JAM2: variants seen among roughly 807,000 people sequenced by gnomAD.
JAM2 encodes junctional adhesion molecule B.
JAM2 carries 17 observed loss-of-function variants against 42.0 expected under a neutral mutation model. The observed-to-expected ratio is 0.40, with a 90% confidence interval of 0.28 to 0.61. The LOEUF (loss-of-function observed/expected upper bound fraction) is 0.61, where lower values mean the gene tolerates loss of function less well. JAM2 is among the 20% of genes least tolerant of loss of function. The pLI, the probability that JAM2 is intolerant of heterozygous loss-of-function variation, is 0.37. For synonymous variants in JAM2, 118 were observed against 128.6 expected (o/e 0.92, Z 0.56); for missense variants, 319 against 358.3 (o/e 0.89, Z 0.89).
chr21:25,652,708 G>A (rs1234628625), intron 1 of JAM2, among the ~76,000 whole-genome samples: 1 of 152,154 alleles, frequency 6.6e-6, no homozygotes, highest in Non-Finnish European at 1.5e-5. Flanking sequence ...ATTAAGTACA[G>A]GTCCTATAAT....
At chr21:25,685,233 T>C (rs2033723660) in intron 2 of JAM2, among the ~76,000 whole-genome samples, 1 of 152,072 alleles carries the variant, frequency 6.6e-6, no homozygotes, top group South Asian at 2.1e-4. Flanking sequence ...GTGTGCTTGT[T>C]AAGTAAAAAT....
intron 2 of JAM2, among the ~76,000 whole-genome samples, chr21:25,688,318 C>T (rs1176836174): frequency 2.0e-5 from 3 of 151,160 alleles, no homozygotes; most frequent in Non-Finnish European, 4.4e-5. Flanking sequence ...ACATGCGTAT[C>T]TAAATATGTA....
chr21:25,661,998 A>AT (rs536363673), intron 1 of JAM2, among the ~76,000 whole-genome samples: 7 of 151,718 alleles, frequency 4.6e-5, no homozygotes, highest in Non-Finnish European at 5.9e-5. Flanking sequence ...CTATTTAAGT[A>AT]TTTTTTTTCC....
At chr21:25,650,111 C>G (rs1050124185) in intron 1 of JAM2, among the ~76,000 whole-genome samples, 4 of 152,164 alleles carry the variant, frequency 2.6e-5, no homozygotes, top group Admixed American at 1.3e-4. Context: ...CTTCATGACC[C>G]AAACACCTCT....
rs2034456315 is a variant in JAM2, at chr21:25,715,191, G to A, written c.*519G>A. Reference sequence around the variant, plus strand: ...CACACCCACAGAAAGGAGGAAGCGGGATGGGTCTTATGCCCAAGGATTTGC... The same window carrying A: ...CACACCCACAGAAAGGAGGAAGCGGAATGGGTCTTATGCCCAAGGATTTGC... On this transcript the variant is annotated 3_prime_UTR_variant, in exon 10 of 10. Transcript: ENST00000480456. 1 of 152,360 alleles carries A rather than the reference G, an allele frequency of 6.6e-6. No individual in the cohort carries two copies. Among genetic ancestry groups the A allele is most frequent in the Admixed American group, 6.5e-5 (1 of 15,288 alleles). The allele number at this position is 152,360 out of a possible 1,614,324, so 9.4% of individuals were successfully genotyped here. A position where few individuals can be genotyped will look rare whatever the true frequency, so the allele number is the denominator to read the frequency against.
chr21:25,696,777 G>A (rs2123395118), intron 4 of JAM2, among the ~76,000 whole-genome samples: 1 of 152,174 alleles, frequency 6.6e-6, no homozygotes, highest in East Asian at 1.9e-4. Context: ...CTATCAGTTC[G>A]TGGGCCACAC....
intron 4 of JAM2, among the ~76,000 whole-genome samples, chr21:25,698,446 C>A (rs1448748583): frequency 6.6e-6 from 1 of 152,114 alleles, no homozygotes; most frequent in Non-Finnish European, 1.5e-5. Context: ...ATGTATATGA[C>A]CCCATCTGGC....
chr21:25,709,048 T>C (rs1200724030), intron 7 of JAM2, among the ~76,000 whole-genome samples: 1 of 152,158 alleles, frequency 6.6e-6, no homozygotes, highest in Non-Finnish European at 1.5e-5. Flanking sequence ...TAGGGCCCGC[T>C]GACTTTGAAC....
chr21:25,680,251 C>T (rs1028426035), intron 1 of JAM2, among the ~76,000 whole-genome samples: 1 of 152,136 alleles, frequency 6.6e-6, no homozygotes, highest in African/African-American at 2.4e-5. Context: ...ATGGCTAGGA[C>T]TTTTGATGTG....
At chr21:25,670,057 C>T (rs1351879036) in intron 1 of JAM2, among the ~76,000 whole-genome samples, 2 of 152,284 alleles carry the variant, frequency 1.3e-5, no homozygotes, top group East Asian at 3.9e-4. Context: ...AAATCCAGTT[C>T]TCTTCATGCT....
intron 1 of JAM2, among the ~76,000 whole-genome samples, chr21:25,651,664 T>C (rs1303253089): frequency 6.6e-6 from 1 of 152,234 alleles, no homozygotes; most frequent in African/African-American, 2.4e-5. Context: ...ACATGCTTTA[T>C]GCATGGTGTT....
At chr21:25,678,439 A>G (rs570157412) in intron 1 of JAM2, among the ~76,000 whole-genome samples, 1 of 152,166 alleles carries the variant, frequency 6.6e-6, no homozygotes, top group Non-Finnish European at 1.5e-5. Flanking sequence ...AGAAAGGGAT[A>G]TGGGGGAAGA....
chr21:25,697,899 T>G (rs1445245885), intron 4 of JAM2, among the ~76,000 whole-genome samples: 1 of 149,298 alleles, frequency 6.7e-6, no homozygotes, highest in Non-Finnish European at 1.5e-5. Flanking sequence ...TAGAGTGAGA[T>G]TCTGTCTCAA....
chr21:25,651,079 A>C (rs899363252), intron 1 of JAM2, among the ~76,000 whole-genome samples: 4 of 151,118 alleles, frequency 2.6e-5, no homozygotes, highest in South Asian at 2.1e-4. Flanking sequence ...AAAAAAAAAA[A>C]AAAACAAAGT....
At chr21:25,663,334 GTAA>G (rs1381157643) in intron 1 of JAM2, among the ~76,000 whole-genome samples, 1 of 152,218 alleles carries the variant, frequency 6.6e-6, no homozygotes, top group Admixed American at 6.5e-5. Flanking sequence ...TCTAACCCAT[GTAA>G]GAGTAAGGAG....
At chr21:25,640,277 C>A (rs1327210145) in intron 1 of JAM2, among the ~76,000 whole-genome samples, 1 of 152,150 alleles carries the variant, frequency 6.6e-6, no homozygotes, top group African/African-American at 2.4e-5. Flanking sequence ...CACTGGGAGG[C>A]GGGCGCCGGC....
In JAM2 at chr21:25,717,386, T is replaced by A; in HGVS notation, c.*2714T>A. ...TAAAGATTAGGGCTTTAAAATCTTA[T>A]TAGCAAGCTTTGTTTTGTTTTAATT... On this transcript the variant is annotated 3_prime_UTR_variant, in exon 10 of 10. Transcript: ENST00000480456. 1 of 273,204 alleles carries A rather than the reference T, an allele frequency of 3.7e-6. No homozygotes were observed. Among genetic ancestry groups the A allele is most frequent in the Non-Finnish European group, 6.8e-6 (1 of 148,028 alleles). 16.9% of individuals were successfully genotyped at this position (273,204 alleles called of 1,614,324 possible).
chr21:25,660,705 C>T (rs932938962), intron 1 of JAM2, among the ~76,000 whole-genome samples: 2 of 137,316 alleles, frequency 1.5e-5, no homozygotes, highest in East Asian at 2.2e-4. Flanking sequence ...TTCTTTTGGA[C>T]AGTCTTATCA....
At chr21:25,681,936 T>C (rs569103789) in intron 1 of JAM2, among the ~76,000 whole-genome samples, 4 of 152,264 alleles carry the variant, frequency 2.6e-5, no homozygotes, top group East Asian at 3.9e-4. Flanking sequence ...GAGCTGAGAT[T>C]GTGCCACTGC....
Sources: allele counts gnomAD v4.1 joint callset (sites outside exome capture counted in the v4.1 genomes callset), GRCh38; gene constraint gnomAD v4.1.1; transcripts MANE v1.5; gene names NCBI Gene and HGNC (gene_info 2026-07-23, HGNC 2026-07-21).